NCKAP1: variants seen among roughly 807,000 people sequenced by gnomAD.
NCKAP1 encodes NCK associated protein 1.
Under a neutral mutation model 151.2 loss-of-function variants are expected in NCKAP1, and 21 were observed. The observed-to-expected ratio is 0.14, with a 90% CI of 0.10 to 0.20. NCKAP1 has a LOEUF of 0.20. NCKAP1 is among the 10% of genes least tolerant of loss of function. The probability of loss-of-function intolerance (pLI) is 1.00; values close to 1 mark genes in which losing one functional copy is unlikely to be tolerated. For missense variants in NCKAP1, 933 were observed against 1,352.1 expected, an observed-to-expected ratio of 0.69 and a Z score of 4.86; for synonymous variants, 484 against 451.8, an observed-to-expected ratio of 1.07 and a Z score of -0.90.
intron 2 of NCKAP1, among the ~76,000 whole-genome samples, chr2:183,010,314 G>T (rs187082213): frequency 3.3e-5 from 5 of 152,256 alleles, no homozygotes; most frequent in Non-Finnish European, 5.9e-5. Flanking sequence ...CTGCCCTGAC[G>T]TGCTGTATGT....
rs879610042 is a variant in NCKAP1 at position 183,015,485 on chromosome 2, G to GA, written c.219+8320dup. 2.5e-3 allele frequency among the ~76,000 whole-genome samples: 339 copies of GA among 135,460 alleles called. 3 individuals are homozygous for GA. The highest frequency in any genetic ancestry group is 6.5e-3 in the African/African-American group (240 of 37,060). The allele number at this position is 135,460 out of a possible 152,430, so 88.9% of individuals were successfully genotyped here. On this transcript the variant is annotated intron_variant, in intron 2 of 30. Transcript: ENST00000361354. ...AAGGTTAGAGGAAAGTAGGCTCCAG[G>GA]AAAAAAAAAAAATTATAAAAAGGTG...
intron 20 of NCKAP1, among the ~76,000 whole-genome samples, chr2:182,955,708 A>G (rs544222284): frequency 1.3e-5 from 2 of 152,190 alleles, no homozygotes; most frequent in East Asian, 3.9e-4. Flanking sequence ...ACATGCATAC[A>G]TGTAACTGAA....
At chr2:183,032,384 C>T (rs1699020701) in intron 1 of NCKAP1, among the ~76,000 whole-genome samples, 2 of 152,154 alleles carry the variant, frequency 1.3e-5, no homozygotes, top group South Asian at 4.1e-4. Flanking sequence ...TGCTTAATGT[C>T]ATCAGATGAT....
intron 15 of NCKAP1, among the ~76,000 whole-genome samples, chr2:182,972,739 C>A (rs937410304): frequency 2.6e-5 from 4 of 152,148 alleles, no homozygotes; most frequent in South Asian, 2.1e-4. Context: ...GAAATCCTGT[C>A]TGTTGCAACA....
At chr2:183,002,396 G>A in intron 4 of NCKAP1, 127 bp from the exon 5 acceptor site, 1 of 661,338 alleles carries the variant, frequency 1.5e-6, no homozygotes, top group Non-Finnish European at 2.4e-6. Flanking sequence ...GTTCTAAAAT[G>A]CTAATTCCTT....
At chr2:182,926,141 A>AC (rs1486561840) in intron 30 of NCKAP1, among the ~76,000 whole-genome samples, 7 of 151,878 alleles carry the variant, frequency 4.6e-5, no homozygotes, top group Middle Eastern at 3.4e-3. Flanking sequence ...TTTTTTTTGT[A>AC]CTATCAACTC....
rs1321516464 is a variant in NCKAP1 at position 182,923,005 on chromosome 2, C to T, written c.*2697G>A. 1.3e-5 allele frequency: 2 copies of T among 152,176 alleles called. No homozygotes were observed. The highest frequency in any genetic ancestry group is 6.5e-5 in the Admixed American group (1 of 15,284). 9.4% of individuals were successfully genotyped at this position (152,176 alleles called of 1,614,324 possible). On this transcript the variant is annotated 3_prime_UTR_variant, in exon 31 of 31. Transcript: ENST00000361354. ...CATTTCCTGGGCAACAAGAGTGAAA[C>T]TCCGTCTCAAGAAGCTGGTTTGTTT...
rs527888466 is a variant in NCKAP1, at chr2:182,912,633, A to T, written c.*13069T>A. The T allele has an allele frequency of 6.6e-6, 1 of 152,322 alleles. No individual in the cohort carries two copies. The highest frequency in any genetic ancestry group is 1.9e-4 in the East Asian group (1 of 5,186). The allele number at this position is 152,322 out of a possible 1,614,324, so 9.4% of individuals were successfully genotyped here. On this transcript the variant is annotated 3_prime_UTR_variant, in exon 31 of 31. Coordinates refer to ENST00000361354, the MANE Select transcript of NCKAP1 (RefSeq NM_013436.5). ...CCATTCTGTGGAGTTCAGAATTATA[A>T]ATGCTTGGCTAGTTAGCCATAATAA...
chr2:182,980,682 T>C (rs527787918), intron 13 of NCKAP1, among the ~76,000 whole-genome samples: 5 of 152,292 alleles, frequency 3.3e-5, no homozygotes, highest in African/African-American at 1.2e-4. Context: ...AAATCTTTAT[T>C]TACTGGCCAT....
At chr2:183,014,744 T>A (rs115647553) in intron 2 of NCKAP1, among the ~76,000 whole-genome samples, 72 of 152,318 alleles carry the variant, frequency 4.7e-4, no homozygotes, top group African/African-American at 1.7e-3. Context: ...GTACTGAACC[T>A]GCCATGAAGA....
At position 183,023,934 on chromosome 2, in the gene NCKAP1, TA is replaced by T. The variant is rs749382560; in HGVS notation, c.109-19del. On this transcript the variant is annotated intron_variant, in intron 1 of 30. Coordinates refer to ENST00000361354, the MANE Select transcript of NCKAP1 (RefSeq NM_013436.5). ...CCACATGCCTATAAAACAACAGTAA[TA>T]AAAAAAAGTGAAATGCACCCTTCTT... 3.0e-5 allele frequency: 45 copies of T among 1,513,950 alleles called. No homozygotes were observed. The highest frequency in any genetic ancestry group is 7.1e-5 in the African/African-American group (5 of 70,836). 93.8% of individuals were successfully genotyped at this position (1,513,950 alleles called of 1,614,324 possible).
intron 6 of NCKAP1, among the ~76,000 whole-genome samples, chr2:182,997,714 C>T (rs926663524): frequency 2.0e-5 from 3 of 152,064 alleles, no homozygotes; most frequent in African/African-American, 7.2e-5. Flanking sequence ...AAATACCTAC[C>T]AACCAGAAAA....
chr2:182,928,189 G>A lies in NCKAP1; in HGVS notation c.3108C>T (p.Ile1036=). ...TAAACAAAGCTGCAGCAATCTGGTT[G>A]ATGGCTTTGGCCAAGCAATGTATGT... The part of the protein sequence containing the change: ...CNNIHCLAKA[I]NQIAAALFTI... Residue 1036 remains isoleucine (I), a synonymous_variant, in exon 29 of 31, where the codon ATC becomes ATT. Transcript: ENST00000361354. The A allele has an allele frequency of 1.2e-6, 2 of 1,612,916 alleles. No homozygotes were observed. Among genetic ancestry groups the A allele is most frequent in the Non-Finnish European group, 1.7e-6 (2 of 1,179,268 alleles).
intron 4 of NCKAP1, 141 bp downstream of exon 4, chr2:183,002,833 A>T (rs2105876029): frequency 1.0e-5 from 6 of 575,472 alleles, no homozygotes; most frequent in South Asian, 5.8e-5. Flanking sequence ...TTTACTTTTT[A>T]AAAAAGCTAT....
At chr2:182,993,739 A>G (rs527474019) in intron 8 of NCKAP1, among the ~76,000 whole-genome samples, 1 of 152,206 alleles carries the variant, frequency 6.6e-6, no homozygotes, top group South Asian at 2.1e-4. Flanking sequence ...TGGGATAAAA[A>G]AAACGACCTA....
Position 182,953,102 on chromosome 2 carries a change from G to T in NCKAP1, c.2372+11C>A, listed in dbSNP as rs377010470. The T allele has an allele frequency of 1.3e-6, 2 of 1,586,044 alleles. No individual in the cohort carries two copies. Among genetic ancestry groups the T allele is most frequent in the South Asian group, 2.3e-5 (2 of 86,442 alleles). On this transcript the variant is annotated intron_variant, in intron 21 of 30. Transcript: ENST00000361354. ...TTTCCGCTACTACAAATTTCTAAAT[G>T]CATTCCTTACCAATTTGTGTATAGA...
Position 183,037,899 on chromosome 2 carries a change from C to G in NCKAP1, c.108+93G>C, listed in dbSNP as rs912817140. 2.9e-5 allele frequency: 27 copies of G among 939,176 alleles called. No individual in the cohort carries two copies. The Admixed American group carries it at 1.0e-3, about 35-fold the overall frequency. The allele number at this position is 939,176 out of a possible 1,614,324, so 58.2% of individuals were successfully genotyped here. ...GCGACGCCGAGATTTCTACACCCGG[C>G]GCCTCCTGCCGCCCCCACCCCACGG... On this transcript the variant is annotated intron_variant, in intron 1 of 30. Transcript: ENST00000361354.
intron 2 of NCKAP1, among the ~76,000 whole-genome samples, chr2:183,019,084 T>G (rs1298562141): frequency 6.6e-6 from 1 of 152,206 alleles, no homozygotes; most frequent in Non-Finnish European, 1.5e-5. Flanking sequence ...CAACAGCCTG[T>G]GTCCTAGTCT....
chr2:182,998,520 C>T (rs530954136), intron 6 of NCKAP1, among the ~76,000 whole-genome samples: 5 of 151,976 alleles, frequency 3.3e-5, no homozygotes, highest in African/African-American at 1.2e-4. Flanking sequence ...TAATAACATT[C>T]AAGCTGAGGA....
Sources: gnomAD v4.1 joint callset for allele counts (sites outside exome capture counted in the v4.1 genomes callset) on GRCh38, gnomAD v4.1.1 for gene constraint, MANE v1.5 for transcripts, NCBI Gene and HGNC (gene_info 2026-07-23, HGNC 2026-07-21) for gene names.